The following PAQR3 variants were observed in gnomAD, a reference collection of about 807,000 sequenced individuals.
PAQR3 encodes Raf kinase trapping to Golgi.
In PAQR3, 39 loss-of-function variants were observed where a neutral mutation model predicts 41.7. That is an observed-to-expected ratio of 0.93 (90% CI 0.72 to 1.22). The LOEUF (loss-of-function observed/expected upper bound fraction) is 1.22, where lower values mean the gene tolerates loss of function less well. PAQR3 is among the 50% of genes most tolerant of loss of function. The pLI is 0.00. For synonymous variants in PAQR3, 140 were observed against 140.6 expected (o/e 1.00, Z 0.03); for missense variants, 366 against 385.6 (o/e 0.95, Z 0.42).
At position 78,918,569 on chromosome 4, in the gene PAQR3, C is replaced by G; in HGVS notation, c.*1970G>C. On this transcript the variant is annotated 3_prime_UTR_variant, in exon 6 of 6. Transcript: ENST00000512733. ...GGAATAATTTTCCCTACAGAAAGAC[C>G]TGTACACCCTTTAAATTCAAAGAAA... 1 of 974,784 alleles carries G rather than the reference C, an allele frequency of 1.0e-6. No individual in the cohort carries two copies. Among genetic ancestry groups the G allele is most frequent in the Non-Finnish European group, 1.2e-6 (1 of 819,978 alleles). The allele number at this position is 974,784 out of a possible 1,614,324, so 60.4% of individuals were successfully genotyped here.
chr4:78,896,112 T>C (rs1252670048), intron 11 of PAQR3, among the ~76,000 whole-genome samples: 2 of 152,150 alleles, frequency 1.3e-5, no homozygotes, highest in Non-Finnish European at 2.9e-5. Flanking sequence ...TTTCTTTCCT[T>C]ACCTTTATGA....
At chr4:78,902,356 G>T (rs1229196702) in intron 11 of PAQR3, among the ~76,000 whole-genome samples, 1 of 152,020 alleles carries the variant, frequency 6.6e-6, no homozygotes, top group Non-Finnish European at 1.5e-5. Context: ...TTTTCATCTG[G>T]CTGGGAAATA....
intron 11 of PAQR3, among the ~76,000 whole-genome samples, chr4:78,889,373 G>A (rs535269601): frequency 1.3e-5 from 2 of 152,158 alleles, no homozygotes; most frequent in East Asian, 1.9e-4. Flanking sequence ...GGAGAAATGC[G>A]TCTCCTGAGA....
intron 11 of PAQR3, among the ~76,000 whole-genome samples, chr4:78,888,438 G>A (rs754857744): frequency 6.6e-6 from 1 of 152,146 alleles, no homozygotes; most frequent in Non-Finnish European, 1.5e-5. Context: ...AGTATTCAAT[G>A]ACTTGAGATA....
intron 1 of PAQR3, among the ~76,000 whole-genome samples, chr4:78,937,088 C>A (rs1294000364): frequency 6.6e-6 from 1 of 152,216 alleles, no homozygotes; most frequent in African/African-American, 2.4e-5. Flanking sequence ...ATATGAAAAA[C>A]ACACTTGAAT....
intron 3 of PAQR3, among the ~76,000 whole-genome samples, chr4:78,929,575 C>T (rs1223564876): frequency 6.6e-6 from 1 of 152,198 alleles, no homozygotes; most frequent in Non-Finnish European, 1.5e-5. Context: ...AACTTAGTGA[C>T]AGAAAGCAGA....
Position 78,914,435 on chromosome 4 carries a change from C to G in PAQR3, c.*6104G>C, listed in dbSNP as rs1560564349. 6.6e-6 allele frequency: 1 copy of G among 151,822 alleles called. No homozygotes were observed. Among genetic ancestry groups the G allele is most frequent in the Non-Finnish European group, 1.5e-5 (1 of 67,888 alleles). The allele number at this position is 151,822 out of a possible 1,614,324, so 9.4% of individuals were successfully genotyped here. ...TCAATAGGATAGAAATGGAGAGATT[C>G]CTTTGTGTTGTAGTAGAGGCATTTT... is the stretch of plus-strand genomic sequence containing the variant. On this transcript the variant is annotated 3_prime_UTR_variant, in exon 6 of 6. Transcript: ENST00000512733.
chr4:78,904,888 G>T (rs1262897541), intron 11 of PAQR3, among the ~76,000 whole-genome samples: 3 of 151,826 alleles, frequency 2.0e-5, no homozygotes, highest in Non-Finnish European at 4.4e-5. Context: ...AAATAAGATA[G>T]TTATAATTCC....
intron 11 of PAQR3, among the ~76,000 whole-genome samples, chr4:78,905,099 G>T (rs1051834766): frequency 3.3e-5 from 5 of 151,164 alleles, no homozygotes; most frequent in African/African-American, 7.3e-5. Flanking sequence ...CTAATCTATT[G>T]GTTCATTCTT....
At chr4:78,928,808 T>G (rs1325654977) in intron 3 of PAQR3, among the ~76,000 whole-genome samples, 1 of 152,238 alleles carries the variant, frequency 6.6e-6, no homozygotes, top group Non-Finnish European at 1.5e-5. Flanking sequence ...TTGTAATATA[T>G]AATAATTATA....
intron 2 of PAQR3, among the ~76,000 whole-genome samples, chr4:78,931,907 C>T (rs551351966): frequency 6.6e-6 from 1 of 152,092 alleles, no homozygotes; most frequent in African/African-American, 2.4e-5. Context: ...ATAAGATACT[C>T]CTGAAGATTT....
rs1357005378 is a variant in PAQR3 at position 78,914,099 on chromosome 4, A to T, written c.*6440T>A. On this transcript the variant is annotated 3_prime_UTR_variant, in exon 6 of 6. Transcript: ENST00000512733. ...TTTTAATGAAAATCTGTTGAGGTGT[A>T]CACAATATGCTTCTTGATTGTATTA... 3.9e-5 allele frequency: 6 copies of T among 152,078 alleles called. No homozygotes were observed. Among genetic ancestry groups the T allele is most frequent in the African/African-American group, 1.4e-4 (6 of 41,440 alleles). 9.4% of individuals were successfully genotyped at this position (152,078 alleles called of 1,614,324 possible).
chr4:78,900,197 T>C (rs1021929978), intron 11 of PAQR3, among the ~76,000 whole-genome samples: 6 of 152,226 alleles, frequency 3.9e-5, no homozygotes, highest in Non-Finnish European at 8.8e-5. Flanking sequence ...GTAGTAAATA[T>C]CTTATTGACA....
rs752610901 is a variant in PAQR3, at chr4:78,920,686, A to G, written c.794-5T>C. On this transcript the variant is annotated splice_polypyrimidine_tract_variant and splice_region_variant and intron_variant, in intron 5 of 5. Coordinates refer to ENST00000512733, the MANE Select transcript of PAQR3 (RefSeq NM_001040202.2). ...ATCCGAGGTAGTTTAGTTGTCCTGGAAAGAAGGTAGAAAGAAAATGATAAT... is the reference window on the plus strand; with the variant it reads ...ATCCGAGGTAGTTTAGTTGTCCTGGGAAGAAGGTAGAAAGAAAATGATAAT... 1.0e-5 allele frequency: 16 copies of G among 1,596,170 alleles called. No homozygotes were observed. The highest frequency in any genetic ancestry group is 1.7e-5 in the Admixed American group (1 of 57,266).
At chr4:78,894,846 C>G (rs563110289) in intron 11 of PAQR3, among the ~76,000 whole-genome samples, 21 of 152,314 alleles carry the variant, frequency 1.4e-4, no homozygotes, top group African/African-American at 5.1e-4. Context: ...CTCGTCCTTT[C>G]ACCTGAACAC....
intron 2 of PAQR3, 132 bp from the exon 3 acceptor site, chr4:78,930,457 C>T (rs1736741297): frequency 2.3e-6 from 2 of 874,574 alleles, no homozygotes; most frequent in Non-Finnish European, 3.3e-6. Flanking sequence ...TAGCTCTGTG[C>T]CTTACATGGC....
At position 78,921,843 on chromosome 4, in the gene PAQR3, A is replaced by G. The variant is rs559305869; in HGVS notation, c.794-1162T>C. The G allele has an allele frequency of 1.3e-3, 1,257 of 984,996 alleles. 12 individuals are homozygous for G. The South Asian group carries it at 0.014, about 11-fold the overall frequency. The allele number at this position is 984,996 out of a possible 1,614,324, so 61.0% of individuals were successfully genotyped here. A position where few individuals can be genotyped will look rare whatever the true frequency, so the allele number is the denominator to read the frequency against. On this transcript the variant is annotated intron_variant, in intron 5 of 5. Coordinates refer to ENST00000512733, the MANE Select transcript of PAQR3 (RefSeq NM_001040202.2). The stretch of plus-strand genomic sequence containing the variant: ...TTTCACTGGAAAGACTTAATTTTTT[A>G]GTTTCCATATCTCCACTGCTCTCAT...
chr4:78,888,017 C>A (rs1314364387), intron 12 of PAQR3: 1 of 152,202 alleles, frequency 6.6e-6, no homozygotes, highest in African/African-American at 2.4e-5. Context: ...ACATATGTAA[C>A]ACCATTTGAA....
intron 1 of PAQR3, among the ~76,000 whole-genome samples, chr4:78,936,488 A>G (rs1209759530): frequency 3.9e-5 from 6 of 152,206 alleles, no homozygotes; most frequent in Non-Finnish European, 4.4e-5. Flanking sequence ...ACTGCTACAA[A>G]TTTAGTTATA....
Sources: allele counts gnomAD v4.1 joint callset (sites outside exome capture counted in the v4.1 genomes callset), GRCh38; gene constraint gnomAD v4.1.1; transcripts MANE v1.5; gene names NCBI Gene and HGNC (gene_info 2026-07-23, HGNC 2026-07-21).